The following SHROOM3 variants were observed in gnomAD, a reference collection of about 807,000 sequenced individuals.
SHROOM3 encodes shroom family member 3.
Under a neutral mutation model 138.6 loss-of-function variants are expected in SHROOM3, and 47 were observed. The observed-to-expected ratio is 0.34, with a 90% CI of 0.27 to 0.43. The LOEUF (loss-of-function observed/expected upper bound fraction) is 0.43, where lower values mean the gene tolerates loss of function less well. Ranked by LOEUF, SHROOM3 falls within the 20% of genes least tolerant of loss-of-function variation. The probability of loss-of-function intolerance (pLI) is 1.00; values close to 1 mark genes in which losing one functional copy is unlikely to be tolerated. For missense variants in SHROOM3, 2,491 were observed against 2,596.5 expected (o/e 0.96, Z 0.88); for synonymous variants, 1,062 against 1,063.3 (o/e 1.00, Z 0.02).
chr4:76,550,614 A>G lies in SHROOM3; in HGVS notation c.169-4995A>G, dbSNP rs540035889. Among the ~76,000 whole-genome samples, 147 of 152,314 alleles carry G rather than the reference A, an allele frequency of 9.7e-4. 1 individual carries two copies. Among genetic ancestry groups the G allele is most frequent in the Non-Finnish European group, 5.3e-4 (36 of 68,026 alleles). On this transcript the variant is annotated intron_variant, in intron 1 of 10. Transcript: ENST00000296043. The stretch of plus-strand genomic sequence containing the variant: ...AATAATTAAAACCCCAAGACAGCAC[A>G]AATCCCTGAGAGACAGTATGGAGAG...
At chr4:76,776,639 C>T (rs952580188) in intron 10 of SHROOM3, among the ~76,000 whole-genome samples, 7 of 152,242 alleles carry the variant, frequency 4.6e-5, no homozygotes, top group African/African-American at 7.2e-5. Flanking sequence ...AAGCAGTAGA[C>T]GCTTAATATA....
At chr4:76,581,465 A>T (rs897116485) in intron 2 of SHROOM3, among the ~76,000 whole-genome samples, 1 of 152,184 alleles carries the variant, frequency 6.6e-6, no homozygotes, top group African/African-American at 2.4e-5. Context: ...ATTATACTGG[A>T]CAGGCATTGT....
chr4:76,645,002 C>T (rs73826407), intron 2 of SHROOM3, among the ~76,000 whole-genome samples: 2,525 of 152,222 alleles, frequency 0.017, 70 homozygotes, highest in African/African-American at 0.058. Flanking sequence ...AGACTGAGGC[C>T]TAGAGAGATT....
chr4:76,454,541 A>G (rs1028233792), intron 1 of SHROOM3, among the ~76,000 whole-genome samples: 1 of 152,220 alleles, frequency 6.6e-6, no homozygotes, highest in African/African-American at 2.4e-5. Context: ...GTATGCCGTT[A>G]TAACACTGTT....
chr4:76,480,521 T>C (rs1333147103), intron 1 of SHROOM3, among the ~76,000 whole-genome samples: 1 of 152,082 alleles, frequency 6.6e-6, no homozygotes, highest in Non-Finnish European at 1.5e-5. Context: ...AGACTTAGAC[T>C]CACACACAAT....
intron 2 of SHROOM3, among the ~76,000 whole-genome samples, chr4:76,612,360 A>G (rs779460235): frequency 2.6e-5 from 4 of 152,204 alleles, no homozygotes; most frequent in Non-Finnish European, 5.9e-5. Flanking sequence ...ATATAGAAAT[A>G]CTTAAAACTT....
chr4:76,725,087 TG>T (rs1172484279), intron 3 of SHROOM3, among the ~76,000 whole-genome samples: 1 of 152,154 alleles, frequency 6.6e-6, no homozygotes, highest in African/African-American at 2.4e-5. Context: ...AGTTGTTTTT[TG>T]TTTTTTTTTC....
intron 2 of SHROOM3, among the ~76,000 whole-genome samples, chr4:76,623,605 G>A (rs541259578): frequency 3.2e-4 from 49 of 152,302 alleles, no homozygotes; most frequent in African/African-American, 1.1e-3. Context: ...TTTCTTTGAA[G>A]AAAGATGACA....
At chr4:76,557,044 G>A (rs143325586) in intron 2 of SHROOM3, among the ~76,000 whole-genome samples, 2,059 of 152,076 alleles carry the variant, frequency 0.014, 21 homozygotes, top group Non-Finnish European at 0.021. Flanking sequence ...CAAATTCCAG[G>A]GCTGTCACCT....
At chr4:76,440,089 C>A (rs571645214) in intron 1 of SHROOM3, among the ~76,000 whole-genome samples, 1 of 152,342 alleles carries the variant, frequency 6.6e-6, no homozygotes, top group Non-Finnish European at 1.5e-5. Flanking sequence ...AAGAGATGCA[C>A]CTGCTCCCAG....
chr4:76,734,036 C>T (rs933138962), intron 4 of SHROOM3, among the ~76,000 whole-genome samples: 2 of 152,054 alleles, frequency 1.3e-5, no homozygotes, highest in Admixed American at 1.3e-4. Flanking sequence ...TGTAGTCTAG[C>T]CCCCTGACAA....
chr4:76,669,468 A>G (rs1718813038), intron 2 of SHROOM3, among the ~76,000 whole-genome samples: 1 of 152,096 alleles, frequency 6.6e-6, no homozygotes, highest in African/African-American at 2.4e-5. Context: ...TAAAAATTCA[A>G]AAAGAATTAG....
At chr4:76,457,667 GTT>G (rs1424549766) in intron 1 of SHROOM3, among the ~76,000 whole-genome samples, 1 of 151,092 alleles carries the variant, frequency 6.6e-6, no homozygotes, top group African/African-American at 2.4e-5. Flanking sequence ...AATTTTTGTA[GTT>G]TTAGTAGAGA....
intron 10 of SHROOM3, among the ~76,000 whole-genome samples, chr4:76,775,789 C>CAT (rs557473829): frequency 6.6e-6 from 1 of 151,216 alleles, no homozygotes; most frequent in East Asian, 1.9e-4. Context: ...CATATATACA[C>CAT]ATATATATAC....
chr4:76,621,276 T>C (rs1011950934), intron 2 of SHROOM3, among the ~76,000 whole-genome samples: 4 of 152,148 alleles, frequency 2.6e-5, no homozygotes, highest in Non-Finnish European at 5.9e-5. Context: ...ATCAGACTGT[T>C]CCAGAAACCC....
intron 4 of SHROOM3, among the ~76,000 whole-genome samples, chr4:76,731,169 C>CAAAT (rs1243922907): frequency 2.6e-5 from 4 of 152,080 alleles, no homozygotes; most frequent in Non-Finnish European, 5.9e-5. Flanking sequence ...ACTGGCTGGC[C>CAAAT]ATTTGAGATA....
At chr4:76,720,178 T>A (rs1720498568) in intron 3 of SHROOM3, among the ~76,000 whole-genome samples, 1 of 111,346 alleles carries the variant, frequency 9.0e-6, no homozygotes, top group Non-Finnish European at 1.8e-5. Flanking sequence ...TTTTTTTTTT[T>A]TTGTGAATCC....
chr4:76,777,378 C>A (rs1357458265), intron 10 of SHROOM3, among the ~76,000 whole-genome samples: 1 of 152,054 alleles, frequency 6.6e-6, no homozygotes, highest in Non-Finnish European at 1.5e-5. Flanking sequence ...TGGTTGAGTT[C>A]TTGATTTTAT....
intron 2 of SHROOM3, among the ~76,000 whole-genome samples, chr4:76,695,884 G>C (rs144266370): frequency 6.6e-6 from 1 of 152,290 alleles, no homozygotes; most frequent in Non-Finnish European, 1.5e-5. Context: ...CAGACCCATC[G>C]AAGAAGCCCC....
Sources: gnomAD v4.1 joint callset for allele counts (sites outside exome capture counted in the v4.1 genomes callset) on GRCh38, gnomAD v4.1.1 for gene constraint, MANE v1.5 for transcripts, NCBI Gene and HGNC (gene_info 2026-07-23, HGNC 2026-07-21) for gene names.